OR2L13: variants seen among roughly 807,000 people sequenced by gnomAD.
OR2L13 encodes olfactory receptor 2L13.
In OR2L13, 14 loss-of-function variants were observed where a neutral mutation model predicts 15.3. The ratio of observed to expected loss-of-function variants is 0.91; its 90% CI spans 0.60 to 1.43. The LOEUF (loss-of-function observed/expected upper bound fraction) is 1.43, where lower values mean the gene tolerates loss of function less well. Ranked by LOEUF, OR2L13 falls within the 40% of genes most tolerant of loss-of-function variation. The probability of loss-of-function intolerance (pLI) is 0.00; values close to 1 mark genes in which losing one functional copy is unlikely to be tolerated. For missense variants in OR2L13, 367 were observed against 387.9 expected, an observed-to-expected ratio of 0.95 and a Z score of 0.45; for synonymous variants, 152 against 142.9, an observed-to-expected ratio of 1.06 and a Z score of -0.45.
At chr1:248,054,263 G>T in the OR2L13 span, among the ~76,000 whole-genome samples, 494 of 152,206 alleles carry the variant, frequency 3.2e-3, 1 homozygote, top group Middle Eastern at 0.024. Context: ...AGATCAGATG[G>T]TTGTAGATGT....
At chr1:247,965,503 AT>A in the OR2L13 span, 1 of 1,613,664 alleles carries the variant, frequency 6.2e-7, no homozygotes, top group East Asian at 2.2e-5. Context: ...GACAGGAAAT[AT>A]CATGCTGATC....
the OR2L13 span, among the ~76,000 whole-genome samples, chr1:248,036,230 C>T: frequency 6.6e-6 from 1 of 151,908 alleles, no homozygotes; most frequent in South Asian, 2.1e-4. Flanking sequence ...ATTTTTGTCT[C>T]TTCTAATCTT....
chr1:247,976,467 A>G, the OR2L13 span, among the ~76,000 whole-genome samples: 1 of 147,664 alleles, frequency 6.8e-6, no homozygotes, highest in Non-Finnish European at 1.5e-5. Flanking sequence ...ACTGTATTAT[A>G]TATTGAAAAT....
At chr1:247,957,315 C>G in the OR2L13 span, among the ~76,000 whole-genome samples, 2 of 152,140 alleles carry the variant, frequency 1.3e-5, no homozygotes. Context: ...GGTGGATAAG[C>G]TTTTTGATGT....
the OR2L13 span, chr1:248,003,332 A>G: frequency 6.3e-7 from 1 of 1,596,212 alleles, no homozygotes; most frequent in Non-Finnish European, 8.6e-7. Context: ...GCTCTCCCTC[A>G]TTGACCTAAA....
the OR2L13 span, among the ~76,000 whole-genome samples, chr1:248,027,469 C>A: frequency 6.6e-6 from 1 of 152,298 alleles, no homozygotes; most frequent in Non-Finnish European, 1.5e-5. Flanking sequence ...ACTTCCTCCC[C>A]TTTTGAAAAT....
the OR2L13 span, chr1:247,990,217 A>G: frequency 1.5e-6 from 1 of 680,284 alleles, no homozygotes; most frequent in Non-Finnish European, 2.7e-6. Flanking sequence ...GAACTACTGT[A>G]CTTCACTTAC....
the OR2L13 span, chr1:248,039,395 TTTTGTTTGTGTGTGGTTTTTG>T: frequency 8.1e-5 from 34 of 419,312 alleles, no homozygotes; most frequent in Non-Finnish European, 1.2e-4. Context: ...TCTATTTTGA[TTTTGTTTGTGTGTGGTTTTTG>T]TTTGTTTGTT....
the OR2L13 span, among the ~76,000 whole-genome samples, chr1:248,069,569 T>A: frequency 1.3e-5 from 2 of 152,146 alleles, no homozygotes; most frequent in Admixed American, 6.6e-5. Flanking sequence ...GCATCAACTG[T>A]CGAGCAAAAT....
At chr1:248,065,502 TATAC>T in the OR2L13 span, among the ~76,000 whole-genome samples, 1 of 151,726 alleles carries the variant, frequency 6.6e-6, no homozygotes, top group Non-Finnish European at 1.5e-5. Context: ...GTTACATATG[TATAC>T]ATGTGCCATG....
the OR2L13 span, among the ~76,000 whole-genome samples, chr1:248,079,884 C>G: frequency 6.6e-6 from 1 of 152,114 alleles, no homozygotes; most frequent in Admixed American, 6.6e-5. Context: ...CTTCATGCAA[C>G]TAAAACTTTC....
the OR2L13 span, among the ~76,000 whole-genome samples, chr1:248,031,907 A>G: frequency 1.3e-5 from 2 of 152,180 alleles, no homozygotes; most frequent in Non-Finnish European, 2.9e-5. Flanking sequence ...ATTCTGACAT[A>G]TATTACTTTT....
At chr1:248,054,919 A>C in the OR2L13 span, among the ~76,000 whole-genome samples, 1 of 152,178 alleles carries the variant, frequency 6.6e-6, no homozygotes, top group African/African-American at 2.4e-5. Context: ...TCCTATTTGC[A>C]TACCCTTTCT....
At chr1:248,001,342 G>A in the OR2L13 span, among the ~76,000 whole-genome samples, 3 of 151,774 alleles carry the variant, frequency 2.0e-5, no homozygotes, top group Non-Finnish European at 4.4e-5. Context: ...CGTAGTTCAG[G>A]TTTAAGGTTT....
chr1:247,949,491 G>A, the OR2L13 span: 2 of 1,612,806 alleles, frequency 1.2e-6, no homozygotes, highest in South Asian at 2.2e-5. Flanking sequence ...TCCCTTCATT[G>A]GTATTTCATG....
At chr1:248,071,428 T>C in the OR2L13 span, among the ~76,000 whole-genome samples, 185 of 149,322 alleles carry the variant, frequency 1.2e-3, no homozygotes, top group African/African-American at 4.4e-3. Context: ...ATTCAACAAC[T>C]CTTCATGCTA....
the OR2L13 span, among the ~76,000 whole-genome samples, chr1:248,072,548 A>G: frequency 2.6e-5 from 4 of 152,138 alleles, no homozygotes; most frequent in African/African-American, 9.7e-5. Flanking sequence ...AGGCATTACC[A>G]TTCAGGACAT....
chr1:247,938,966 T>C, the OR2L13 span: 1 of 152,218 alleles, frequency 6.6e-6, no homozygotes, highest in Non-Finnish European at 1.5e-5. Context: ...GATATGTCCT[T>C]TAAACTTTTG....
the OR2L13 span, among the ~76,000 whole-genome samples, chr1:248,001,914 C>T: frequency 2.2e-4 from 34 of 152,100 alleles, 1 homozygote; most frequent in South Asian, 6.6e-3. Flanking sequence ...TCTTAGACAG[C>T]CCTCTGTAAA....
Sources: allele counts gnomAD v4.1 joint callset (sites outside exome capture counted in the v4.1 genomes callset), GRCh38; gene constraint gnomAD v4.1.1; transcripts MANE v1.5; gene names NCBI Gene and HGNC (gene_info 2026-07-23, HGNC 2026-07-21).